Variants in CSMD1 observed in about 807,000 individuals in gnomAD.
The protein encoded by CSMD1 is CUB and Sushi multiple domains 1, also known as CUB and sushi domain-containing protein 1.
CSMD1 carries 213 observed loss-of-function variants against 417.5 expected under a neutral mutation model. That is an observed-to-expected ratio of 0.51 (90% CI 0.46 to 0.57). The LOEUF (loss-of-function observed/expected upper bound fraction) is 0.57. Ranked by LOEUF, CSMD1 falls within the 20% of genes least tolerant of loss-of-function variation. The pLI, the probability that CSMD1 is intolerant of heterozygous loss-of-function variation, is 0.00. For synonymous variants in CSMD1, 2,862 were observed against 1,736.8 expected, an observed-to-expected ratio of 1.65 and a Z score of -16.11; for missense variants, 6,923 against 4,529.7, an observed-to-expected ratio of 1.53 and a Z score of -15.17.
intron 1 of CSMD1, among the ~76,000 whole-genome samples, chr8:4,830,553 G>T (rs916465896): frequency 7.2e-5 from 11 of 152,162 alleles, no homozygotes; most frequent in Admixed American, 1.3e-4. Context: ...TGTGTCAAGA[G>T]GAGACATCAT....
intron 10 of CSMD1, among the ~76,000 whole-genome samples, chr8:3,498,834 A>G (rs546479498): frequency 2.6e-5 from 4 of 152,086 alleles, no homozygotes; most frequent in African/African-American, 9.6e-5. Flanking sequence ...CAGTTTCAAG[A>G]CTTCTGCTTA....
rs530926117 is a variant in CSMD1 at position 4,064,602 on chromosome 8, C to T, written c.416-32503G>A. 3.0e-4 allele frequency among the ~76,000 whole-genome samples: 46 copies of T among 152,288 alleles called. 1 individual carries two copies. The highest frequency in any genetic ancestry group is 1.5e-3 in the South Asian group (7 of 4,818). On this transcript the variant is annotated intron_variant, in intron 3 of 69. Coordinates refer to ENST00000635120, the MANE Select transcript of CSMD1 (RefSeq NM_033225.6). The stretch of plus-strand genomic sequence containing the variant: ...CTGTCATACAACTGCCGTTTCCGAA[C>T]GTGGCAAGGCTCCCAACACCTGTGC...
rs372978897 is a variant in CSMD1, at chr8:4,178,447, A to T, written c.416-146348T>A. Among the ~76,000 whole-genome samples, 113 of 151,460 alleles carry T rather than the reference A, an allele frequency of 7.5e-4. 1 individual carries two copies. In the East Asian group the frequency reaches 0.019, roughly 25 times the overall value. On this transcript the variant is annotated intron_variant, in intron 3 of 69. Coordinates refer to ENST00000635120, the MANE Select transcript of CSMD1 (RefSeq NM_033225.6). The stretch of plus-strand genomic sequence containing the variant: ...GACGTATCTCAAAATAATAAGAGCT[A>T]TCTATAACAAACCCACAGCCAATAT...
chr8:4,223,477 G>C (rs537749153), intron 3 of CSMD1, among the ~76,000 whole-genome samples: 1 of 152,220 alleles, frequency 6.6e-6, no homozygotes, highest in East Asian at 1.9e-4. Context: ...TGGCTGGGAA[G>C]GATAATTGGT....
At chr8:4,885,174 T>C (rs1488140886) in intron 1 of CSMD1, among the ~76,000 whole-genome samples, 1 of 152,118 alleles carries the variant, frequency 6.6e-6, no homozygotes, top group Non-Finnish European at 1.5e-5. Context: ...TTTGTCTACT[T>C]TATCTGGTAA....
intron 3 of CSMD1, among the ~76,000 whole-genome samples, chr8:4,303,420 CTGTTTTTTTTTTTTTTTTT>C (rs776523484): frequency 1.1e-5 from 1 of 92,318 alleles, no homozygotes; most frequent in East Asian, 3.6e-4. Flanking sequence ...GGGCAGGAAG[CTGTTTTTTTTTTTTTTTTT>C]TTTTTTTTTT....
At chr8:3,666,558 T>G (rs1798705156) in intron 7 of CSMD1, among the ~76,000 whole-genome samples, 1 of 152,162 alleles carries the variant, frequency 6.6e-6, no homozygotes, top group African/African-American at 2.4e-5. Flanking sequence ...GGTTTGGCTG[T>G]GTCCCCACCC....
chr8:4,164,809 G>C (rs370628641), intron 3 of CSMD1, among the ~76,000 whole-genome samples: 3 of 151,738 alleles, frequency 2.0e-5, no homozygotes, highest in Non-Finnish European at 4.4e-5. Context: ...TCCAGAGGTG[G>C]AGCTTGCAGT....
At chr8:4,795,381 C>CCTGCCT (rs1165796366) in intron 1 of CSMD1, among the ~76,000 whole-genome samples, 2 of 147,606 alleles carry the variant, frequency 1.4e-5, no homozygotes, top group Admixed American at 6.9e-5. Flanking sequence ...AAGCAATTCT[C>CCTGCCT]CTGCCTCAGC....
In CSMD1 at chr8:4,964,664, T is replaced by C. The variant is rs557307322; in HGVS notation, c.85+29668A>G. Among the ~76,000 whole-genome samples, 5 of 152,258 alleles carry C rather than the reference T, an allele frequency of 3.3e-5. No individual in the cohort carries two copies. In the South Asian group the frequency reaches 1.0e-3, roughly 32 times the overall value. On this transcript the variant is annotated intron_variant, in intron 1 of 69. Transcript: ENST00000635120. ...CATTTTTCTAACACTCTTTAAAATC[T>C]TCTCAGAGATTCTCCATTCTCCAGG... is the stretch of plus-strand genomic sequence containing the variant.
intron 26 of CSMD1, among the ~76,000 whole-genome samples, chr8:3,258,223 A>G (rs1415527976): frequency 3.9e-5 from 6 of 152,238 alleles, no homozygotes; most frequent in Non-Finnish European, 8.8e-5. Flanking sequence ...AATATCCAGC[A>G]TCTATAAGGA....
chr8:4,057,360 G>A (rs566615491), intron 3 of CSMD1, among the ~76,000 whole-genome samples: 88 of 151,760 alleles, frequency 5.8e-4, no homozygotes, highest in African/African-American at 1.8e-3. Context: ...CATGTCCTTC[G>A]CCTACTTTTT....
intron 1 of CSMD1, among the ~76,000 whole-genome samples, chr8:4,842,003 C>T (rs952381940): frequency 8.0e-5 from 12 of 149,170 alleles, no homozygotes; most frequent in African/African-American, 3.0e-4. Flanking sequence ...GATAGGGAAA[C>T]CCTAGAAAAA....
chr8:4,842,948 A>T (rs1800926154), intron 1 of CSMD1, among the ~76,000 whole-genome samples: 1 of 152,218 alleles, frequency 6.6e-6, no homozygotes, highest in Non-Finnish European at 1.5e-5. Context: ...TGTATGTGAA[A>T]ATCAGCAGAT....
intron 10 of CSMD1, among the ~76,000 whole-genome samples, chr8:3,552,640 A>T (rs1798967626): frequency 6.6e-6 from 1 of 152,176 alleles, no homozygotes; most frequent in Admixed American, 6.5e-5. Flanking sequence ...TGCTACAGAG[A>T]TCCTTTCTGT....
intron 12 of CSMD1, among the ~76,000 whole-genome samples, chr8:3,455,668 T>C (rs1056604094): frequency 4.6e-5 from 7 of 152,192 alleles, no homozygotes; most frequent in Non-Finnish European, 5.9e-5. Flanking sequence ...ATCCTTCCTC[T>C]GGAAATTTTG....
chr8:3,226,159 C>T (rs1798490844), intron 27 of CSMD1, among the ~76,000 whole-genome samples: 1 of 152,146 alleles, frequency 6.6e-6, no homozygotes, highest in African/African-American at 2.4e-5. Flanking sequence ...GCTCTGTTGT[C>T]CCTAAATGAA....
chr8:4,820,465 A>C (rs1258732236), intron 1 of CSMD1, among the ~76,000 whole-genome samples: 1 of 152,182 alleles, frequency 6.6e-6, no homozygotes, highest in African/African-American at 2.4e-5. Flanking sequence ...TTTTCCTGTC[A>C]ATGTTAACAA....
intron 12 of CSMD1, among the ~76,000 whole-genome samples, chr8:3,419,086 C>T (rs375603711): frequency 1.3e-5 from 2 of 152,312 alleles, no homozygotes; most frequent in South Asian, 2.1e-4. Context: ...AAGGCTGAAA[C>T]GCCAGCTAGG....
Sources: allele counts gnomAD v4.1 joint callset (sites outside exome capture counted in the v4.1 genomes callset), GRCh38; gene constraint gnomAD v4.1.1; transcripts MANE v1.5; gene names NCBI Gene and HGNC (gene_info 2026-07-23, HGNC 2026-07-21).